PDCD11: variants seen among roughly 807,000 people sequenced by gnomAD.
PDCD11 encodes the protein protein RRP5 homolog.
PDCD11 carries 97 observed loss-of-function variants against 198.9 expected under a neutral mutation model. The ratio of observed to expected loss-of-function variants is 0.49; its 90% CI spans 0.41 to 0.58. PDCD11 has a LOEUF of 0.58. PDCD11 is among the 20% of genes least tolerant of loss of function. PDCD11 has a pLI of 0.00. For synonymous variants in PDCD11, 893 were observed against 918.0 expected (o/e 0.97, Z 0.49); for missense variants, 2,102 against 2,312.7 (o/e 0.91, Z 1.87).
At chr10:103,419,252 C>T (rs1414632624) in intron 15 of PDCD11, among the ~76,000 whole-genome samples, 2 of 151,992 alleles carry the variant, frequency 1.3e-5, no homozygotes, top group East Asian at 1.9e-4. Context: ...ATTAGTGAAT[C>T]GGGAATGGAA....
At chr10:103,430,635 C>CTTT (rs945485194) in intron 21 of PDCD11, among the ~76,000 whole-genome samples, 2 of 130,836 alleles carry the variant, frequency 1.5e-5, no homozygotes, top group Non-Finnish European at 3.3e-5. Flanking sequence ...TCGTTATTTT[C>CTTT]TTTTTTTTTT....
intron 21 of PDCD11, among the ~76,000 whole-genome samples, chr10:103,429,049 C>A (rs1312517870): frequency 6.6e-6 from 1 of 152,182 alleles, no homozygotes; most frequent in African/African-American, 2.4e-5. Context: ...ATTTAACTGA[C>A]AGTTTTGACT....
chr10:103,440,471 C>G lies in PDCD11; in HGVS notation c.4330C>G (p.Gln1444Glu). ...KNQKRNEKKN[Q>E]KGQEEVEMPS... ...TCAGAAAAGGAACGAGAAGAAGAAC[C>G]AGAAGGGGCAGGAGGAGGTGGAGAT... Residue 1444 changes from glutamine (Q) to glutamate (E), a missense_variant, in exon 29 of 36, where the codon CAG becomes GAG. Transcript: ENST00000369797. 1.2e-6 allele frequency: 2 copies of G among 1,613,950 alleles called. No individual in the cohort carries two copies. Among genetic ancestry groups the G allele is most frequent in the Non-Finnish European group, 1.7e-6 (2 of 1,179,920 alleles).
chr10:103,440,872 G>A, intron 30 of PDCD11, 22 bp downstream of exon 30: 1 of 1,532,576 alleles, frequency 6.5e-7, no homozygotes, highest in Non-Finnish European at 9.0e-7. Flanking sequence ...GTCGCGGGGA[G>A]GGGAAGGCTG....
At chr10:103,419,461 T>A in intron 15 of PDCD11, 77 bp from the exon 16 acceptor site, 1 of 1,495,904 alleles carries the variant, frequency 6.7e-7, no homozygotes, top group Non-Finnish European at 9.1e-7. Flanking sequence ...TCTGTCCTTC[T>A]CTGTGGAGAA....
rs140882275 is a variant in PDCD11, at chr10:103,432,210, G to A, written c.3450G>A (p.Gln1150=). The change falls in exon 22 of 36, where the codon CAG becomes CAA. Residue 1150 remains glutamine, a synonymous_variant. Coordinates refer to ENST00000369797, the MANE Select transcript of PDCD11 (RefSeq NM_014976.2). ...AGATTAAACAGTACCAGGCCGGCCA[G>A]ACTGTTACTTGCTTCTTAAAGAAAG... ...MEKIKQYQAG[Q]TVTCFLKKYN... is the part of the protein sequence containing the mutation. 1.2e-6 allele frequency: 2 copies of A among 1,612,952 alleles called. No individual in the cohort carries two copies. The highest frequency in any genetic ancestry group is 1.7e-6 in the Non-Finnish European group (2 of 1,179,002).
intron 4 of PDCD11, among the ~76,000 whole-genome samples, chr10:103,404,638 A>G (rs984014500): frequency 6.6e-6 from 1 of 152,230 alleles, no homozygotes; most frequent in Non-Finnish European, 1.5e-5. Context: ...GATAGACTGC[A>G]AAACTGACCA....
intron 30 of PDCD11, among the ~76,000 whole-genome samples, 171 bp from the exon 31 acceptor site, chr10:103,441,655 C>T (rs2032387785): frequency 1.3e-5 from 2 of 152,144 alleles, no homozygotes; most frequent in African/African-American, 4.8e-5. Context: ...TATGTCACTG[C>T]TATAAAGTTT....
At position 103,444,677 on chromosome 10, in the gene PDCD11, C is replaced by T. The variant is rs753369221; in HGVS notation, c.5439C>T (p.Asp1813=). The change falls in exon 35 of 36, where the codon GAC becomes GAT. Residue 1813 remains aspartate, a synonymous_variant. Transcript: ENST00000369797. ...DMTIKHGSQK[D]VRDIFERVIH... The stretch of plus-strand genomic sequence containing the variant: ...CCATCAAGCACGGCAGCCAGAAGGA[C>T]GTCCGGTGAGTGGGGCAGCTGGCCA... 6.8e-6 allele frequency: 11 copies of T among 1,613,606 alleles called. No individual in the cohort carries two copies. Among genetic ancestry groups the T allele is most frequent in the Admixed American group, 1.7e-5 (1 of 60,020 alleles).
At chr10:103,399,216 A>G (rs1224980012) in intron 2 of PDCD11, among the ~76,000 whole-genome samples, 1 of 150,538 alleles carries the variant, frequency 6.6e-6, no homozygotes. Context: ...TACCTGACTA[A>G]TTTTTGTATT....
At chr10:103,443,453 A>G (rs2032475337) in intron 33 of PDCD11, 120 bp downstream of exon 33, 4 of 728,346 alleles carry the variant, frequency 5.5e-6, no homozygotes, top group Non-Finnish European at 8.7e-6. Context: ...CGGGGCCCCA[A>G]CTTCCCTATC....
In PDCD11 at chr10:103,403,276, A is replaced by G; in HGVS notation, c.393A>G (p.Gln131=). 6.2e-7 allele frequency: 1 copy of G among 1,613,190 alleles called. No individual in the cohort carries two copies. The highest frequency in any genetic ancestry group is 2.2e-5 in the East Asian group (1 of 44,864). ...KKLNEQVTQE[Q]PLKDLLHLPE... ...TGAATGAGCAGGTGACACAAGAACA[A>G]CCTCTGAAGGTAAGGGAAATCCGAA... The change falls in exon 4 of 36, where the codon CAA becomes CAG. Residue 131 remains glutamine (Q), a synonymous_variant. Transcript: ENST00000369797.
chr10:103,424,898 C>A, intron 19 of PDCD11, 86 bp from the exon 20 acceptor site: 2 of 1,500,178 alleles, frequency 1.3e-6, no homozygotes, highest in Non-Finnish European at 1.8e-6. Flanking sequence ...AGAGGGTTTC[C>A]TCAGCCACAC....
intron 31 of PDCD11, 62 bp downstream of exon 31, chr10:103,442,037 T>C (rs2032406056): frequency 1.9e-6 from 3 of 1,599,130 alleles, no homozygotes; most frequent in Admixed American, 1.7e-5. Flanking sequence ...TCTCTTGTGC[T>C]CTGTTCCTAG....
chr10:103,415,933 C>G (rs1196990265), intron 12 of PDCD11, among the ~76,000 whole-genome samples: 1 of 152,170 alleles, frequency 6.6e-6, no homozygotes, highest in Non-Finnish European at 1.5e-5. Flanking sequence ...GTTAGATTTT[C>G]CGGTATTCAG....
chr10:103,429,318 CT>C (rs2031827234), intron 21 of PDCD11, among the ~76,000 whole-genome samples: 1 of 152,126 alleles, frequency 6.6e-6, no homozygotes, highest in Non-Finnish European at 1.5e-5. Flanking sequence ...GCCAACCCTT[CT>C]TTTTTGGAGG....
rs2032577855 is a variant in PDCD11, at chr10:103,445,612, T to G, written c.*63T>G. 12 of 1,434,678 alleles carry G rather than the reference T, an allele frequency of 8.4e-6. No homozygotes were observed. Among genetic ancestry groups the G allele is most frequent in the Non-Finnish European group, 1.2e-5 (12 of 1,037,224 alleles). 88.9% of individuals were successfully genotyped at this position (1,434,678 alleles called of 1,614,324 possible). On this transcript the variant is annotated 3_prime_UTR_variant, in exon 36 of 36. Transcript: ENST00000369797. ...CCAGCCCGGCCCCGCCTCGAGTGCCTGGGCACTCGGAAAACTGTTACCTCA... is the reference window on the plus strand; with the variant it reads ...CCAGCCCGGCCCCGCCTCGAGTGCCGGGGCACTCGGAAAACTGTTACCTCA...
At position 103,419,594 on chromosome 10, in the gene PDCD11, G is replaced by T. The variant is rs375044293; in HGVS notation, c.2163G>T (p.Lys721Asn). 1 of 1,614,118 alleles carries T rather than the reference G, an allele frequency of 6.2e-7. No individual in the cohort carries two copies. ...VSTVEGGQDP[K>N]NFSEIHPGML... Reference sequence around the variant, plus strand: ...CAGTAGAAGGTGGCCAGGATCCCAAGAACTTCTCAGAAATCCATCCTGGAA... The same window carrying T: ...CAGTAGAAGGTGGCCAGGATCCCAATAACTTCTCAGAAATCCATCCTGGAA... The change falls in exon 16 of 36, where the codon AAG (lysine) becomes AAT (asparagine). Residue 721 changes from lysine (K) to asparagine (N), a missense_variant. Lys to Asn is a moderately conservative substitution (Grantham distance 94). Coordinates refer to ENST00000369797, the MANE Select transcript of PDCD11 (RefSeq NM_014976.2).
chr10:103,442,319 C>A lies in PDCD11; in HGVS notation c.4814C>A (p.Ala1605Glu), dbSNP rs142228884. 12 of 1,614,120 alleles carry A rather than the reference C, an allele frequency of 7.4e-6. No individual in the cohort carries two copies. The African/African-American group carries it at 1.6e-4, about 22-fold the overall frequency. The change falls in exon 32 of 36, where the codon GCG becomes GAG. Residue 1605 changes from alanine (A) to glutamate (E), a missense_variant. Ala to Glu is a moderately radical substitution (Grantham distance 107). Coordinates refer to ENST00000369797, the MANE Select transcript of PDCD11 (RefSeq NM_014976.2). ...LMDPGRQPES[A>E]DDFDRLVLSS... Reference sequence around the variant, plus strand: ...GATCCTGGGCGGCAGCCAGAGTCCGCGGATGATTTTGACCGACTGGTGCTG... The same window carrying A: ...GATCCTGGGCGGCAGCCAGAGTCCGAGGATGATTTTGACCGACTGGTGCTG...
Sources: allele counts gnomAD v4.1 joint callset (sites outside exome capture counted in the v4.1 genomes callset), GRCh38; gene constraint gnomAD v4.1.1; transcripts MANE v1.5; gene names NCBI Gene and HGNC (gene_info 2026-07-23, HGNC 2026-07-21).